FER1L5: variants seen among roughly 807,000 people sequenced by gnomAD.
The protein encoded by FER1L5 is fer-1-like protein 5.
A neutral mutation model predicts 279.9 loss-of-function variants in FER1L5; 187 were observed. That is an observed-to-expected ratio of 0.67 (90% CI 0.59 to 0.75). The LOEUF is 0.75. Ranked by LOEUF, FER1L5 falls within the 30% of genes least tolerant of loss-of-function variation. The pLI is 0.00. For synonymous variants in FER1L5, 921 were observed against 989.7 expected (o/e 0.93, Z 1.30); for missense variants, 2,091 against 2,594.4 (o/e 0.81, Z 4.21).
Position 96,704,262 on chromosome 2 carries a change from TCTG to T in FER1L5, c.5852_5854del (p.Cys1951del), listed in dbSNP as rs1203396485. On this transcript the variant is annotated inframe_deletion, in exon 52 of 53. Transcript: ENST00000624922. ...TGGCTGCGGTCACCAGTTCAAAACTTCTGCTATATTTTCTGGAAACGCTATCGC... is the reference window on the plus strand; with the variant it reads ...TGGCTGCGGTCACCAGTTCAAAACTTCTATATTTTCTGGAAACGCTATCGC... 5 of 1,613,926 alleles carry T rather than the reference TCTG, an allele frequency of 3.1e-6. No individual in the cohort carries two copies. The African/African-American group carries it at 5.3e-5, about 17-fold the overall frequency.
intron 17 of FER1L5, 74 bp downstream of exon 17, chr2:96,669,211 GTGCCCCGAGGCCCCGGCCCTGGTTTC>G: frequency 7.2e-7 from 1 of 1,390,088 alleles, no homozygotes; most frequent in South Asian, 1.4e-5. Flanking sequence ...GGCCTGGGAC[GTGCCCCGAGGCCCCGGCCCTGGTTTC>G]TGTCCCTCGG....
rs556614635 is a variant in FER1L5 at position 96,663,753 on chromosome 2, T to C, written c.1140+246T>C. ...GTATGACTTGTAGATATTTAAAATG[T>C]ACAATTTGGCTGGGCACGGTGGCTT... is the stretch of plus-strand genomic sequence containing the variant. On this transcript the variant is annotated intron_variant, in intron 14 of 52. Transcript: ENST00000624922. Among the ~76,000 whole-genome samples, 4 of 152,256 alleles carry C rather than the reference T, an allele frequency of 2.6e-5. No homozygotes were observed. In the South Asian group the frequency reaches 8.3e-4, roughly 32 times the overall value.
chr2:96,704,652 T>A lies in FER1L5; in HGVS notation c.6134T>A (p.Leu2045Gln), dbSNP rs376612569. ...CTCCACCCAGGACCCACAAATCACC[T>A]GAGTGATATTTTCCCAGAACTTCCA... ...WKLHPGPTNH[L>Q]SDIFPELPAP... Residue 2045 changes from leucine (L) to glutamine (Q), a missense_variant, in exon 53 of 53, where the codon CTG becomes CAG. Physicochemically the swap from Leu to Gln is moderately radical, Grantham distance 113. Transcript: ENST00000624922. 81 of 1,613,914 alleles carry A rather than the reference T, an allele frequency of 5.0e-5. No homozygotes were observed. Among genetic ancestry groups the A allele is most frequent in the Non-Finnish European group, 6.5e-5 (77 of 1,179,908 alleles).
intron 19 of FER1L5, 127 bp downstream of exon 19, chr2:96,673,381 A>G (rs1272641100): frequency 1.8e-6 from 2 of 1,103,080 alleles, no homozygotes; most frequent in Non-Finnish European, 1.3e-6. Flanking sequence ...TCACACATGA[A>G]AAAATGAGGT....
chr2:96,669,993 T>C lies in FER1L5; in HGVS notation c.1363-126T>C. The C allele has an allele frequency of 2.4e-6, 3 of 1,266,326 alleles. No homozygotes were observed. The South Asian group carries it at 4.3e-5, about 18-fold the overall frequency. The allele number at this position is 1,266,326 out of a possible 1,614,324, so 78.4% of individuals were successfully genotyped here. On this transcript the variant is annotated intron_variant, in intron 17 of 52. Coordinates refer to ENST00000624922, the MANE Select transcript of FER1L5 (RefSeq NM_001293083.2). ...TTTCTGGAATTCTTCTCCGGGATTG[T>C]GGTTGCAGTAAGCCCCGGGCAGGCA... is the stretch of plus-strand genomic sequence containing the variant.
rs373362830 is a variant in FER1L5, at chr2:96,700,373, G to C, written c.4972G>C (p.Glu1658Gln). 2.5e-6 allele frequency: 4 copies of C among 1,613,628 alleles called. No individual in the cohort carries two copies. In the African/African-American group the frequency reaches 5.3e-5, roughly 22 times the overall value. ...TGTTCATGGTTTGGGACCCAAGAAGGAACGCCTTGCACTGTACCTCCTGCA... is the reference window on the plus strand; with the variant it reads ...TGTTCATGGTTTGGGACCCAAGAAGCAACGCCTTGCACTGTACCTCCTGCA... ...PTVHGLGPKK[E>Q]RLALYLLHTQ... The change falls in exon 45 of 53, where the codon GAA becomes CAA. Residue 1658 changes from glutamate to glutamine, a missense_variant. Transcript: ENST00000624922.
chr2:96,685,262 C>A, intron 20 of FER1L5, 67 bp from the exon 21 acceptor site: 2 of 1,404,068 alleles, frequency 1.4e-6, no homozygotes, highest in Non-Finnish European at 2.0e-6. Context: ...CCAATCAGCC[C>A]TGTGGCCTGT....
intron 19 of FER1L5, among the ~76,000 whole-genome samples, chr2:96,682,106 A>G (rs1230421614): frequency 6.7e-6 from 1 of 148,316 alleles, no homozygotes; most frequent in Non-Finnish European, 1.5e-5. Context: ...GCTGTTTTCG[A>G]GGTGGAGTCT....
At chr2:96,684,176 C>T (rs914147771) in intron 19 of FER1L5, 151 bp from the exon 20 acceptor site, 2 of 1,039,814 alleles carry the variant, frequency 1.9e-6, no homozygotes, top group Non-Finnish European at 2.7e-6. Flanking sequence ...CCAGCCCAGC[C>T]TCCCAGCTGG....
In FER1L5 at chr2:96,702,992, C is replaced by T. The variant is rs752567894; in HGVS notation, c.5412C>T (p.Ser1804=). 6.2e-7 allele frequency: 1 copy of T among 1,612,368 alleles called. No homozygotes were observed. The highest frequency in any genetic ancestry group is 1.1e-5 in the South Asian group (1 of 90,670). The change falls in exon 49 of 53, where the codon AGC becomes AGT. Residue 1804 remains serine, a synonymous_variant. Coordinates refer to ENST00000624922, the MANE Select transcript of FER1L5 (RefSeq NM_001293083.2). The surrounding 1 kb of genome is among the most constrained non-coding windows in gnomAD (Gnocchi z 4.0). ...CATTTCCCCAGGATTACATATGGAG[C>T]CTGGATGCCACGTCCATGAAGTTCC... ...CVQSQKDYIW[S]LDATSMKFPA... is the part of the protein sequence containing the mutation.
intron 9 of FER1L5, among the ~76,000 whole-genome samples, chr2:96,659,466 TTTC>T: frequency 3.7e-5 from 1 of 26,758 alleles, no homozygotes; most frequent in Non-Finnish European, 5.7e-5. Context: ...TCTTTCTTTC[TTTC>T]TTTCTTTCTT....
chr2:96,675,863 T>C (rs1304853159), intron 19 of FER1L5, among the ~76,000 whole-genome samples: 2 of 152,176 alleles, frequency 1.3e-5, no homozygotes, highest in African/African-American at 4.8e-5. Flanking sequence ...GCTCAAGCAG[T>C]CCACCCCACT....
chr2:96,647,986 C>T (rs1042042270), intron 4 of FER1L5, 100 bp downstream of exon 4: 1 of 853,408 alleles, frequency 1.2e-6, no homozygotes, highest in African/African-American at 1.7e-5. Flanking sequence ...TTGGGGGGCC[C>T]CATCACACTG....
intron 21 of FER1L5, 134 bp downstream of exon 21, chr2:96,685,563 C>T (rs1450755026): frequency 4.3e-5 from 33 of 761,392 alleles, no homozygotes; most frequent in Non-Finnish European, 6.1e-5. Flanking sequence ...CTCTCCCCAG[C>T]GGGAAACCCC....
At position 96,647,135 on chromosome 2, in the gene FER1L5, G is replaced by A. The variant is rs1260439466; in HGVS notation, c.210G>A (p.Met70Ile). 1.3e-6 allele frequency: 2 copies of A among 1,551,610 alleles called. No individual in the cohort carries two copies. Among genetic ancestry groups the A allele is most frequent in the Admixed American group, 3.9e-5 (2 of 50,988 alleles). Residue 70 changes from methionine to isoleucine, a missense_variant, in exon 3 of 53, where the codon ATG becomes ATA. By Grantham distance (10) the Met-to-Ile change is conservative (BLOSUM62 1). Transcript: ENST00000624922. ...TCCTGCAAGTCACCCTTCAGGACATGGGCTCACAAAAGAAAGAAAGGTGAG... is the reference window on the plus strand; with the variant it reads ...TCCTGCAAGTCACCCTTCAGGACATAGGCTCACAAAAGAAAGAAAGGTGAG... ...DSFLQVTLQD[M>I]GSQKKERFIG...
rs1258245738 is a variant in FER1L5, at chr2:96,691,745, G to A, written c.3076-80G>A. 1 of 1,551,354 alleles carries A rather than the reference G, an allele frequency of 6.4e-7. No individual in the cohort carries two copies. The highest frequency in any genetic ancestry group is 1.2e-5 in the South Asian group (1 of 83,946). On this transcript the variant is annotated intron_variant, in intron 29 of 52. Transcript: ENST00000624922. The surrounding 1 kb of genome is among the most constrained non-coding windows in gnomAD (Gnocchi z 6.0). ...CAGGCTTGCGAGGGTGGCAGTGTGA[G>A]GGAGGAGGGTGACTGGGCCTGGGCT...
chr2:96,678,148 C>T (rs543929811), intron 19 of FER1L5, among the ~76,000 whole-genome samples: 8 of 151,152 alleles, frequency 5.3e-5, no homozygotes, highest in African/African-American at 1.2e-4. Context: ...TTTTTGAGAC[C>T]GAATCTCGCT....
At chr2:96,665,275 G>A (rs548975059) in intron 14 of FER1L5, among the ~76,000 whole-genome samples, 8 of 152,288 alleles carry the variant, frequency 5.3e-5, no homozygotes, top group African/African-American at 1.9e-4. Context: ...ACCTTACATT[G>A]TGAAATACAA....
intron 31 of FER1L5, among the ~76,000 whole-genome samples, chr2:96,692,903 C>T (rs778519136): frequency 7.9e-5 from 12 of 152,118 alleles, no homozygotes; most frequent in Non-Finnish European, 1.8e-4. Context: ...CAGAGCTGGG[C>T]GCGGTGACTC....
Sources: allele counts gnomAD v4.1 joint callset (sites outside exome capture counted in the v4.1 genomes callset), GRCh38; gene constraint gnomAD v4.1.1; non-coding constraint Gnocchi (gnomAD v3.1); transcripts MANE v1.5; gene names NCBI Gene and HGNC (gene_info 2026-07-23, HGNC 2026-07-21).